KCTD6: variants seen among roughly 807,000 people sequenced by gnomAD.
KCTD6 encodes the protein BTB/POZ domain-containing protein KCTD6.
In KCTD6, 6 loss-of-function variants were observed where a neutral mutation model predicts 18.7. The ratio of observed to expected loss-of-function variants is 0.32; its 90% CI spans 0.18 to 0.63. The LOEUF (loss-of-function observed/expected upper bound fraction) is 0.63, where lower values mean the gene tolerates loss of function less well. KCTD6 is among the 30% of genes least tolerant of loss of function. The pLI is 0.79. For synonymous variants in KCTD6, 86 were observed against 108.5 expected (o/e 0.79, Z 1.29); for missense variants, 165 against 300.2 (o/e 0.55, Z 3.33).
rs1233637204 is a variant in KCTD6, at chr3:58,497,224, G to A, written c.-43-1489G>A. On this transcript the variant is annotated intron_variant, in intron 1 of 2. Transcript: ENST00000404589. The surrounding 1 kb of genome is among the most constrained non-coding windows in gnomAD (Gnocchi z 4.2). The stretch of plus-strand genomic sequence containing the variant: ...GTTGTGTGCTTTGAAGGATTTGCAA[G>A]GTAGAGAAATAGATGCTTCAGGCTC... 6.6e-6 allele frequency among the ~76,000 whole-genome samples: 1 copy of A among 152,214 alleles called. No homozygotes were observed. The highest frequency in any genetic ancestry group is 6.5e-5 in the Admixed American group (1 of 15,276).
In KCTD6 at chr3:58,501,218, C is replaced by T. The variant is rs752170967; in HGVS notation, c.300C>T (p.Pro100=). The T allele has an allele frequency of 1.9e-6, 3 of 1,613,998 alleles. No homozygotes were observed. Among genetic ancestry groups the T allele is most frequent in the Non-Finnish European group, 2.5e-6 (3 of 1,180,012 alleles). Residue 100 remains proline (P), a synonymous_variant, in exon 3 of 3, where the codon CCC becomes CCT. Coordinates refer to ENST00000404589, the MANE Select transcript of KCTD6 (RefSeq NM_001128214.2). The surrounding 1 kb of genome is among the most constrained non-coding windows in gnomAD (Gnocchi z 9.7). ...AAGCAGATTTTTACCAGATTGAGCC[C>T]TTGATTCAGTGTCTCAATGATCCTA... ...RKEADFYQIE[P]LIQCLNDPKP... is the part of the protein sequence containing the mutation.
Position 58,497,023 on chromosome 3 carries a change from T to C in KCTD6, c.-43-1690T>C, listed in dbSNP as rs748071355. On this transcript the variant is annotated intron_variant, in intron 1 of 2. Transcript: ENST00000404589. The surrounding 1 kb of genome is among the most constrained non-coding windows in gnomAD (Gnocchi z 4.2). ...ATTGGCAAAGCCCATTTCTTGGTCC[T>C]GTTTACTTCGGATACTATTTGTGAA... Among the ~76,000 whole-genome samples, 2 of 152,270 alleles carry C rather than the reference T, an allele frequency of 1.3e-5. No homozygotes were observed. The highest frequency in any genetic ancestry group is 2.9e-5 in the Non-Finnish European group (2 of 68,050).
At position 58,496,161 on chromosome 3, in the gene KCTD6, C is replaced by T. The variant is rs1233307413; in HGVS notation, c.-43-2552C>T. On this transcript the variant is annotated intron_variant, in intron 1 of 2. Coordinates refer to ENST00000404589, the MANE Select transcript of KCTD6 (RefSeq NM_001128214.2). This position sits in a 1 kb window ranked among gnomAD's most constrained non-coding sequence, Gnocchi z 5.1. ...GGGGCCTCAGGAGAATTTTTACAAACCCATTATGACTGTTTAGTTAGGCTG... is the reference window on the plus strand; with the variant it reads ...GGGGCCTCAGGAGAATTTTTACAAATCCATTATGACTGTTTAGTTAGGCTG... 6.6e-6 allele frequency among the ~76,000 whole-genome samples: 1 copy of T among 151,736 alleles called. No individual in the cohort carries two copies. The highest frequency in any genetic ancestry group is 2.4e-5 in the African/African-American group (1 of 41,288).
At chr3:58,499,850 G>A (rs541711806) in intron 2 of KCTD6, among the ~76,000 whole-genome samples, 2 of 151,334 alleles carry the variant, frequency 1.3e-5, no homozygotes, top group South Asian at 2.1e-4. Flanking sequence ...TATTTTTTTC[G>A]TAAATAGTAT....
chr3:58,498,651 A>T lies in KCTD6; in HGVS notation c.-43-62A>T. 49 of 863,050 alleles carry T rather than the reference A, an allele frequency of 5.7e-5. No individual in the cohort carries two copies. Among genetic ancestry groups the T allele is most frequent in the Non-Finnish European group, 7.8e-5 (40 of 512,374 alleles). 53.5% of individuals were successfully genotyped at this position (863,050 alleles called of 1,614,324 possible). On this transcript the variant is annotated intron_variant, in intron 1 of 2. Coordinates refer to ENST00000404589, the MANE Select transcript of KCTD6 (RefSeq NM_001128214.2). The surrounding 1 kb of genome is among the most constrained non-coding windows in gnomAD (Gnocchi z 4.6). ...GGCCTCCTCTGTTGGGTGGAAAAAG[A>T]CTTTCTTCTCTATTTTCCTAGTTAT...
At position 58,498,741 on chromosome 3, in the gene KCTD6, G is replaced by C. The variant is rs370856171; in HGVS notation, c.-15G>C. On this transcript the variant is annotated 5_prime_UTR_variant, in exon 2 of 3. Transcript: ENST00000404589. The surrounding 1 kb of genome is among the most constrained non-coding windows in gnomAD (Gnocchi z 4.6). ...CCCTGAAACCTGGGCTCTTGAAGACGCATCACTGGAGCAGATGGATAATGG... is the reference window on the plus strand; with the variant it reads ...CCCTGAAACCTGGGCTCTTGAAGACCCATCACTGGAGCAGATGGATAATGG... The C allele has an allele frequency of 6.2e-7, 1 of 1,609,348 alleles. No homozygotes were observed. Among genetic ancestry groups the C allele is most frequent in the East Asian group, 2.2e-5 (1 of 44,782 alleles).
Position 58,492,250 on chromosome 3 carries a change from G to A in KCTD6, c.-44+81G>A, listed in dbSNP as rs1197326473. The stretch of plus-strand genomic sequence containing the variant: ...AGGAGACGTCTGCGCCGAGCGGCCA[G>A]GGGAGCGGGGCTGAGGAGGATCTGG... On this transcript the variant is annotated intron_variant, in intron 1 of 2. Transcript: ENST00000404589. The surrounding 1 kb of genome is among the most constrained non-coding windows in gnomAD (Gnocchi z 6.1). 1 of 149,666 alleles carries A rather than the reference G, an allele frequency of 6.7e-6. No homozygotes were observed. The highest frequency in any genetic ancestry group is 2.4e-5 in the African/African-American group (1 of 41,184). The allele number at this position is 149,666 out of a possible 1,614,324, so 9.3% of individuals were successfully genotyped here.
intron 1 of KCTD6, among the ~76,000 whole-genome samples, chr3:58,495,655 T>C (rs916819059): frequency 6.6e-6 from 1 of 152,196 alleles, no homozygotes; most frequent in African/African-American, 2.4e-5. Flanking sequence ...TTAGACAGTT[T>C]ACTCATTGTT....
rs746973145 is a variant in KCTD6, at chr3:58,498,824, AT to A, written c.27+47del. 10 of 1,537,298 alleles carry A rather than the reference AT, an allele frequency of 6.5e-6. No homozygotes were observed. Among genetic ancestry groups the A allele is most frequent in the Non-Finnish European group, 8.9e-6 (10 of 1,120,094 alleles). ...GATGCATTTTGAAGGCTGGGGAATT[AT>A]TTTTGTGTGTCTTTTTATCCTTATG... On this transcript the variant is annotated intron_variant, in intron 2 of 2. Coordinates refer to ENST00000404589, the MANE Select transcript of KCTD6 (RefSeq NM_001128214.2). The surrounding 1 kb of genome is among the most constrained non-coding windows in gnomAD (Gnocchi z 4.6).
rs1202306873 is a variant in KCTD6 at position 58,496,040 on chromosome 3, T to C, written c.-43-2673T>C. 6.6e-6 allele frequency among the ~76,000 whole-genome samples: 1 copy of C among 152,170 alleles called. No homozygotes were observed. The highest frequency in any genetic ancestry group is 1.5e-5 in the Non-Finnish European group (1 of 68,032). On this transcript the variant is annotated intron_variant, in intron 1 of 2. Coordinates refer to ENST00000404589, the MANE Select transcript of KCTD6 (RefSeq NM_001128214.2). This position sits in a 1 kb window ranked among gnomAD's most constrained non-coding sequence, Gnocchi z 5.1. ...ATCTTCTGTTTCTCATTTAATCATT[T>C]GGATATTCACGGATTGGAGTTCTTT...
chr3:58,501,669 C>T lies in KCTD6; in HGVS notation c.*37C>T, dbSNP rs2063205329. The stretch of plus-strand genomic sequence containing the variant: ...GCCACAGGTTCCTGGAAAGACTCTC[C>T]AGGAAATGGAAGATACTGATTTTTT... On this transcript the variant is annotated 3_prime_UTR_variant, in exon 3 of 3. Coordinates refer to ENST00000404589, the MANE Select transcript of KCTD6 (RefSeq NM_001128214.2). The surrounding 1 kb of genome is among the most constrained non-coding windows in gnomAD (Gnocchi z 9.7). 1.6e-6 allele frequency: 2 copies of T among 1,263,378 alleles called. No individual in the cohort carries two copies. The highest frequency in any genetic ancestry group is 5.7e-5 in the East Asian group (2 of 35,096). 78.3% of individuals were successfully genotyped at this position (1,263,378 alleles called of 1,614,324 possible).
In KCTD6 at chr3:58,492,474, G is replaced by A. The variant is rs1298363668; in HGVS notation, c.-44+305G>A. Among the ~76,000 whole-genome samples the A allele has an allele frequency of 1.3e-5, 2 of 151,836 alleles. No individual in the cohort carries two copies. Among genetic ancestry groups the A allele is most frequent in the Non-Finnish European group, 2.9e-5 (2 of 67,902 alleles). ...GCCCCTCGTCCGGGCCCGGAGCATC[G>A]CCCGCCCTACCCCTGGCCGGGTCGG... On this transcript the variant is annotated intron_variant, in intron 1 of 2. Transcript: ENST00000404589. This position sits in a 1 kb window ranked among gnomAD's most constrained non-coding sequence, Gnocchi z 6.1.
intron 1 of KCTD6, among the ~76,000 whole-genome samples, chr3:58,495,515 T>TG (rs2063171692): frequency 1.3e-5 from 2 of 152,092 alleles, no homozygotes; most frequent in African/African-American, 4.8e-5. Context: ...CATGCTTTTT[T>TG]TTTGTTTGTT....
At position 58,498,676 on chromosome 3, in the gene KCTD6, T is replaced by C; in HGVS notation, c.-43-37T>C. 1.9e-6 allele frequency: 2 copies of C among 1,038,634 alleles called. No homozygotes were observed. Among genetic ancestry groups the C allele is most frequent in the Middle Eastern group, 2.0e-4 (1 of 4,894 alleles). 64.3% of individuals were successfully genotyped at this position (1,038,634 alleles called of 1,614,324 possible). A position where few individuals can be genotyped will look rare whatever the true frequency, so the allele number is the denominator to read the frequency against. ...ACTTTCTTCTCTATTTTCCTAGTTA[T>C]ATATGCTATCATATGTCTGTTTTTC... On this transcript the variant is annotated intron_variant, in intron 1 of 2. Transcript: ENST00000404589. The surrounding 1 kb of genome is among the most constrained non-coding windows in gnomAD (Gnocchi z 4.6).
At chr3:58,500,750 A>G (rs962691841) in intron 2 of KCTD6, among the ~76,000 whole-genome samples, 196 bp from the exon 3 acceptor site, 3 of 151,374 alleles carry the variant, frequency 2.0e-5, no homozygotes, top group East Asian at 1.9e-4. Flanking sequence ...TTTTTTTTCT[A>G]TTGAAAGCAA....
Position 58,502,318 on chromosome 3 carries a change from A to G in KCTD6, c.*686A>G, listed in dbSNP as rs1353327470. The G allele has an allele frequency of 5.6e-5, 4 of 71,342 alleles. No homozygotes were observed. The highest frequency in any genetic ancestry group is 1.4e-4 in the Non-Finnish European group (4 of 28,214). 4.4% of individuals were successfully genotyped at this position (71,342 alleles called of 1,614,324 possible). The stretch of plus-strand genomic sequence containing the variant: ...AATTCCCAAGTGTACTGTCTACCAG[A>G]AAAAAAAAACAAAACTAATAAAAAA... On this transcript the variant is annotated 3_prime_UTR_variant, in exon 3 of 3. Transcript: ENST00000404589.
chr3:58,499,863 C>T (rs1455109408), intron 2 of KCTD6, among the ~76,000 whole-genome samples: 1 of 151,802 alleles, frequency 6.6e-6, no homozygotes, highest in East Asian at 1.9e-4. Flanking sequence ...AATAGTATTT[C>T]TAAAACTGAA....
chr3:58,497,774 G>T lies in KCTD6; in HGVS notation c.-43-939G>T, dbSNP rs548704620. The T allele has an allele frequency of 2.6e-5, 4 of 151,612 alleles. 1 individual carries two copies. The highest frequency in any genetic ancestry group is 7.3e-5 in the African/African-American group (3 of 41,370). The allele number at this position is 151,612 out of a possible 1,614,324, so 9.4% of individuals were successfully genotyped here. A position where few individuals can be genotyped will look rare whatever the true frequency, so the allele number is the denominator to read the frequency against. On this transcript the variant is annotated intron_variant, in intron 1 of 2. Coordinates refer to ENST00000404589, the MANE Select transcript of KCTD6 (RefSeq NM_001128214.2). The surrounding 1 kb of genome is among the most constrained non-coding windows in gnomAD (Gnocchi z 4.2). ...AAATCACTTTCTATTTGTTTTAATT[G>T]TACAAAGAGAAATACATCATTATTT...
chr3:58,499,030 C>T (rs572218387), intron 2 of KCTD6, among the ~76,000 whole-genome samples: 10 of 151,970 alleles, frequency 6.6e-5, no homozygotes, highest in African/African-American at 2.2e-4. Flanking sequence ...AGTGCAGTGG[C>T]GCGATCTTGG....
Sources: gnomAD v4.1 joint callset for allele counts (sites outside exome capture counted in the v4.1 genomes callset) on GRCh38, gnomAD v4.1.1 for gene constraint, Gnocchi (gnomAD v3.1) non-coding constraint, MANE v1.5 for transcripts, NCBI Gene and HGNC (gene_info 2026-07-23, HGNC 2026-07-21) for gene names.